Variants in LAMA2 observed in about 807,000 individuals in gnomAD.
The protein encoded by LAMA2 is laminin subunit alpha 2, also known as laminin subunit alpha-2.
In LAMA2, 269 loss-of-function variants were observed where a neutral mutation model predicts 364.8. The observed-to-expected ratio is 0.74, with a 90% confidence interval of 0.67 to 0.82. The LOEUF is 0.82. Ranked by LOEUF, LAMA2 falls within the 40% of genes least tolerant of loss-of-function variation. The pLI is 0.00. For synonymous variants in LAMA2, 1,379 were observed against 1,370.6 expected, an observed-to-expected ratio of 1.01 and a Z score of -0.14; for missense variants, 3,807 against 3,873.2, an observed-to-expected ratio of 0.98 and a Z score of 0.45.
intron 10 of LAMA2, among the ~76,000 whole-genome samples, chr6:129,182,151 C>G (rs898632896): frequency 1.3e-5 from 2 of 151,480 alleles, no homozygotes; most frequent in African/African-American, 4.8e-5. Flanking sequence ...TTCATGATAC[C>G]TAAAAATAAG....
At chr6:129,223,649 T>A (rs1316233119) in intron 12 of LAMA2, among the ~76,000 whole-genome samples, 2 of 152,192 alleles carry the variant, frequency 1.3e-5, no homozygotes, top group Non-Finnish European at 2.9e-5. Context: ...GATCAGATGG[T>A]TGTAGATGTG....
intron 28 of LAMA2, among the ~76,000 whole-genome samples, chr6:129,323,702 T>G (rs1322967630): frequency 6.6e-6 from 1 of 152,204 alleles, no homozygotes; most frequent in Non-Finnish European, 1.5e-5. Flanking sequence ...GTTGAAAGGT[T>G]ATATGCAGGT....
intron 1 of LAMA2, among the ~76,000 whole-genome samples, chr6:128,956,961 A>G (rs549036718): frequency 1.1e-4 from 17 of 152,160 alleles, no homozygotes; most frequent in African/African-American, 3.6e-4. Context: ...TTCTTTCATA[A>G]ATTAAAGGTT....
At chr6:129,187,358 T>C (rs1781288489) in intron 10 of LAMA2, among the ~76,000 whole-genome samples, 1 of 151,846 alleles carries the variant, frequency 6.6e-6, no homozygotes, top group Non-Finnish European at 1.5e-5. Flanking sequence ...CAGAACACTA[T>C]ACTTCTGTGT....
At chr6:129,351,560 A>T (rs1562485084) in intron 31 of LAMA2, among the ~76,000 whole-genome samples, 2 of 152,174 alleles carry the variant, frequency 1.3e-5, no homozygotes, top group African/African-American at 2.4e-5. Context: ...TTTTTATTGT[A>T]ACCTTCCAAA....
At chr6:129,241,090 T>C (rs1051780518) in intron 12 of LAMA2, among the ~76,000 whole-genome samples, 5 of 152,144 alleles carry the variant, frequency 3.3e-5, no homozygotes, top group Non-Finnish European at 5.9e-5. Flanking sequence ...GAGAAACCAA[T>C]AAAGACATAT....
chr6:129,154,297 A>T (rs1778977811), intron 7 of LAMA2, among the ~76,000 whole-genome samples: 1 of 152,040 alleles, frequency 6.6e-6, no homozygotes, highest in Admixed American at 6.6e-5. Context: ...TGTTGTCCCC[A>T]GCTACTCGGG....
chr6:129,052,938 C>T (rs1400145132), intron 2 of LAMA2, among the ~76,000 whole-genome samples: 1 of 146,316 alleles, frequency 6.8e-6, no homozygotes, highest in Non-Finnish European at 1.5e-5. Context: ...TATATTTCAG[C>T]AATTGACACT....
At chr6:128,965,482 AT>A (rs1781781264) in intron 1 of LAMA2, among the ~76,000 whole-genome samples, 1 of 152,070 alleles carries the variant, frequency 6.6e-6, no homozygotes. Flanking sequence ...TTATTTAATT[AT>A]TCTAAATTGA....
At chr6:129,074,697 T>G (rs948750647) in intron 3 of LAMA2, among the ~76,000 whole-genome samples, 4 of 152,248 alleles carry the variant, frequency 2.6e-5, no homozygotes, top group Admixed American at 1.3e-4. Context: ...TATTGCTTTT[T>G]GTGAATTTAA....
intron 27 of LAMA2, among the ~76,000 whole-genome samples, chr6:129,318,281 C>A (rs558987504): frequency 1.3e-5 from 2 of 151,866 alleles, no homozygotes; most frequent in East Asian, 1.9e-4. Flanking sequence ...TATCTTTTTT[C>A]TTTGCTTTTG....
At chr6:129,356,223 G>A (rs1020232720) in intron 32 of LAMA2, among the ~76,000 whole-genome samples, 9 of 152,044 alleles carry the variant, frequency 5.9e-5, no homozygotes, top group South Asian at 4.1e-4. Context: ...CTGTGTCCAC[G>A]TTAGGAACCT....
rs745482329 is a variant in LAMA2 at position 129,288,035 on chromosome 6, C to T, written c.2726C>T (p.Ala909Val). 1 of 1,613,930 alleles carries T rather than the reference C, an allele frequency of 6.2e-7. No homozygotes were observed. The highest frequency in any genetic ancestry group is 1.1e-5 in the South Asian group (1 of 91,076). Residue 909 changes from alanine (A) to valine (V), a missense_variant, in exon 19 of 65, where the codon GCA becomes GTA. This residue lies in a region of LAMA2 where 3,333 missense variants were observed against 3,345.7 expected (regional missense o/e 1.00). Transcript: ENST00000421865. ...ELCADGYFGD[A>V]VDAKNCQPCR... is the part of the protein sequence containing the mutation. ...TGTGCTGATGGATATTTTGGAGATG[C>T]AGTTGATGCGAAGAACTGTCAGCGT... is the stretch of plus-strand genomic sequence containing the variant.
chr6:129,238,126 T>C (rs1041204910), intron 12 of LAMA2, among the ~76,000 whole-genome samples: 1 of 150,332 alleles, frequency 6.7e-6, no homozygotes, highest in Non-Finnish European at 1.5e-5. Flanking sequence ...TGAGCCAAGA[T>C]AGTGCCATTG....
chr6:129,283,508 G>T lies in LAMA2; in HGVS notation c.2537+3361G>T, dbSNP rs749194951. Among the ~76,000 whole-genome samples the T allele has an allele frequency of 4.0e-5, 6 of 151,766 alleles. No homozygotes were observed. In the South Asian group the frequency reaches 1.3e-3, roughly 32 times the overall value. On this transcript the variant is annotated intron_variant, in intron 18 of 64. Transcript: ENST00000421865. ...TACATAGACTTCTTAAGCCCTCCCC[G>T]CTCCCCAGCTGGCAAATTTTTAACA... is the stretch of plus-strand genomic sequence containing the variant.
chr6:129,516,395 A>C lies in LAMA2; in HGVS notation c.*48A>C. 1.3e-6 allele frequency: 2 copies of C among 1,557,442 alleles called. No homozygotes were observed. Among genetic ancestry groups the C allele is most frequent in the Non-Finnish European group, 1.8e-6 (2 of 1,134,718 alleles). ...AAGAGTCTGTCAAAACAAGTATATC[A>C]AGTAAAACAAACAAATATATTTTAC... On this transcript the variant is annotated 3_prime_UTR_variant, in exon 65 of 65. Transcript: ENST00000421865.
chr6:129,261,839 ACTTG>A (rs1787158190), intron 15 of LAMA2, among the ~76,000 whole-genome samples: 1 of 152,112 alleles, frequency 6.6e-6, no homozygotes, highest in African/African-American at 2.4e-5. Context: ...TTATAGAAGT[ACTTG>A]CTTTTCCAAA....
chr6:129,277,374 T>A (rs1788402753), intron 17 of LAMA2, among the ~76,000 whole-genome samples: 2 of 152,194 alleles, frequency 1.3e-5, no homozygotes, highest in Admixed American at 1.3e-4. Context: ...ACTCTAATTT[T>A]ATTTTTGTTG....
In LAMA2 at chr6:129,288,055, C is replaced by T. The variant is rs1259051866; in HGVS notation, c.2746C>T (p.Gln916Ter). The T allele has an allele frequency of 1.9e-6, 3 of 1,613,182 alleles. No homozygotes were observed. The highest frequency in any genetic ancestry group is 2.2e-5 in the South Asian group (2 of 91,032). The change falls in exon 19 of 65, where the codon CAG becomes TAG. Residue 916 changes from glutamine to a stop codon, truncating the protein, a stop_gained. Coordinates refer to ENST00000421865, the MANE Select transcript of LAMA2 (RefSeq NM_000426.4). LOFTEE classifies it high-confidence loss of function. Reference protein sequence around the residue: ...FGDAVDAKNCQPCRCNAGGSF... With the variant: ...FGDAVDAKNC ...AGATGCAGTTGATGCGAAGAACTGT[C>T]AGCGTAAGTCCTGAACTATTGATGC... is the stretch of plus-strand genomic sequence containing the variant.
Sources: gnomAD v4.1 joint callset for allele counts (sites outside exome capture counted in the v4.1 genomes callset) on GRCh38, gnomAD v4.1.1 for gene constraint, gnomAD v4.1.1 regional missense constraint, MANE v1.5 for transcripts, NCBI Gene and HGNC (gene_info 2026-07-23, HGNC 2026-07-21) for gene names.